ZNF644: variants seen among roughly 807,000 people sequenced by gnomAD.
The protein encoded by ZNF644 is zinc finger motif enhancer binding protein 2.
ZNF644 carries 20 observed loss-of-function variants against 108.0 expected under a neutral mutation model. That is an observed-to-expected ratio of 0.19 (90% CI 0.13 to 0.27). The LOEUF (loss-of-function observed/expected upper bound fraction) is 0.27, where lower values mean the gene tolerates loss of function less well. ZNF644 is among the 10% of genes least tolerant of loss of function. The probability of loss-of-function intolerance (pLI) is 1.00; values close to 1 mark genes in which losing one functional copy is unlikely to be tolerated. For synonymous variants in ZNF644, 542 were observed against 539.1 expected, an observed-to-expected ratio of 1.01 and a Z score of -0.08; for missense variants, 1,338 against 1,548.9, an observed-to-expected ratio of 0.86 and a Z score of 2.29.
intron 4 of ZNF644, among the ~76,000 whole-genome samples, chr1:90,924,436 TCA>T (rs1649794000): frequency 6.6e-6 from 1 of 152,136 alleles, no homozygotes; most frequent in South Asian, 2.1e-4. Flanking sequence ...AACAAAATAA[TCA>T]CAGTCCCTGC....
At chr1:90,994,639 CAG>C (rs1314539020) in intron 1 of ZNF644, among the ~76,000 whole-genome samples, 1 of 152,192 alleles carries the variant, frequency 6.6e-6, no homozygotes, top group African/African-American at 2.4e-5. Flanking sequence ...TGCCTTTCAA[CAG>C]AGTGCATTCC....
In ZNF644 at chr1:90,939,517, A is replaced by T. The variant is rs1651724524; in HGVS notation, c.1837T>A (p.Cys613Ser). The change falls in exon 3 of 6, where the codon TGT becomes AGT. Residue 613 changes from cysteine (C) to serine (S), a missense_variant. This residue lies in a region of ZNF644 where 462 missense variants were observed against 472.6 expected (regional missense o/e 0.98). Coordinates refer to ENST00000337393, the MANE Select transcript of ZNF644 (RefSeq NM_201269.3). ...AGAGGACTACCAAATGAATCAACAC[A>T]TGATGATGAATGCAAGTACTCCGTG... Reference protein sequence around the residue: ...KHTEYLHSSSCVDSFGSPLGL... With the variant: ...KHTEYLHSSSSVDSFGSPLGL... The T allele has an allele frequency of 6.2e-7, 1 of 1,613,828 alleles. No homozygotes were observed. The highest frequency in any genetic ancestry group is 1.7e-5 in the Admixed American group (1 of 59,996).
At chr1:91,018,963 C>A (rs1660654875) in intron 1 of ZNF644, among the ~76,000 whole-genome samples, 1 of 152,104 alleles carries the variant, frequency 6.6e-6, no homozygotes. Context: ...CTAATTTTCA[C>A]AAAATGAAAG....
intron 4 of ZNF644, among the ~76,000 whole-genome samples, chr1:90,927,183 T>C (rs1033370804): frequency 1.3e-5 from 2 of 152,006 alleles, no homozygotes; most frequent in Non-Finnish European, 2.9e-5. Flanking sequence ...GTCTTCCTCT[T>C]TCTCTGAAAT....
chr1:91,005,425 G>C (rs1438673843), intron 1 of ZNF644, among the ~76,000 whole-genome samples: 1 of 152,142 alleles, frequency 6.6e-6, no homozygotes, highest in Non-Finnish European at 1.5e-5. Context: ...AGTATAGATA[G>C]AAGATCAAGG....
At chr1:90,936,055 C>T (rs1387347057) in intron 4 of ZNF644, among the ~76,000 whole-genome samples, 1 of 152,148 alleles carries the variant, frequency 6.6e-6, no homozygotes, top group Non-Finnish European at 1.5e-5. Flanking sequence ...TTAGACACAA[C>T]ATTTTATTTA....
At chr1:90,951,806 T>C (rs1212560503) in intron 2 of ZNF644, among the ~76,000 whole-genome samples, 1 of 152,208 alleles carries the variant, frequency 6.6e-6, no homozygotes, top group Non-Finnish European at 1.5e-5. Flanking sequence ...TCTATGTACC[T>C]TGCTAACTGA....
At chr1:90,924,191 T>C (rs1649769928) in intron 4 of ZNF644, among the ~76,000 whole-genome samples, 1 of 152,204 alleles carries the variant, frequency 6.6e-6, no homozygotes, top group Non-Finnish European at 1.5e-5. Context: ...ACAAGTGGCT[T>C]ACTGGTCAGC....
chr1:90,977,095 G>A (rs1244577472), intron 2 of ZNF644, among the ~76,000 whole-genome samples: 2 of 151,556 alleles, frequency 1.3e-5, no homozygotes, highest in Non-Finnish European at 2.9e-5. Context: ...ACTAACAACT[G>A]TAGCTTATCA....
rs542717460 is a variant in ZNF644, at chr1:90,981,269, A to G, written c.44+1041T>C. ...AAAGCAAAAAATAAAATTTTTCTAC[A>G]CAACAAGAGGAGGTACTATAACGAT... On this transcript the variant is annotated intron_variant, in intron 2 of 5. Coordinates refer to ENST00000337393, the MANE Select transcript of ZNF644 (RefSeq NM_201269.3). Among the ~76,000 whole-genome samples the G allele has an allele frequency of 4.0e-5, 6 of 151,896 alleles. No individual in the cohort carries two copies. The South Asian group carries it at 1.2e-3, about 31-fold the overall frequency.
At chr1:90,932,040 G>C (rs1650787703) in intron 4 of ZNF644, among the ~76,000 whole-genome samples, 1 of 152,130 alleles carries the variant, frequency 6.6e-6, no homozygotes, top group Non-Finnish European at 1.5e-5. Flanking sequence ...AGATGTCGGT[G>C]ACCCCAGTAA....
intron 4 of ZNF644, among the ~76,000 whole-genome samples, chr1:90,934,067 A>G (rs1344523737): frequency 2.0e-5 from 3 of 152,182 alleles, no homozygotes; most frequent in African/African-American, 7.2e-5. Flanking sequence ...ATAGTCTCTT[A>G]TTTTTATTGT....
chr1:90,959,458 A>G (rs1406909028), intron 2 of ZNF644, among the ~76,000 whole-genome samples: 1 of 152,228 alleles, frequency 6.6e-6, no homozygotes, highest in Non-Finnish European at 1.5e-5. Context: ...ATATGTTTAT[A>G]GCACTGTATT....
chr1:90,939,375 T>A lies in ZNF644; in HGVS notation c.1979A>T (p.Asp660Val), dbSNP rs769370400. The change falls in exon 3 of 6, where the codon GAT becomes GTT. Residue 660 changes from aspartate (D) to valine (V), a missense_variant. Asp to Val is a radical substitution (Grantham distance 152). Around this residue, in one of 6 missense-constraint regions of ZNF644, gnomAD observed 462 missense variants for 472.6 expected, o/e 0.98. Transcript: ENST00000337393. The part of the protein sequence containing the change: ...TFPKNSALKQ[D>V]VKRTFGSTSQ... ...GGTTGATCCAAATGTTCGCTTCACA[T>A]CTTGTTTTAAAGCAGAGTTCTTTGG... is the stretch of plus-strand genomic sequence containing the variant. 2.5e-6 allele frequency: 4 copies of A among 1,614,072 alleles called. No homozygotes were observed. The highest frequency in any genetic ancestry group is 3.4e-6 in the Non-Finnish European group (4 of 1,179,960).
In ZNF644 at chr1:90,916,547, GCT is replaced by G. The variant is rs1177548259; in HGVS notation, c.*249_*250del. ...TTATTAATGGCTGCTTACATGTACT[GCT>G]CTTTTACTGAGTGAACACAGTTAAC... On this transcript the variant is annotated 3_prime_UTR_variant, in exon 6 of 6. Coordinates refer to ENST00000337393, the MANE Select transcript of ZNF644 (RefSeq NM_201269.3). 9 of 498,770 alleles carry G rather than the reference GCT, an allele frequency of 1.8e-5. No homozygotes were observed. The East Asian group carries it at 3.4e-4, about 19-fold the overall frequency. 30.9% of individuals were successfully genotyped at this position (498,770 alleles called of 1,614,324 possible).
chr1:90,922,156 T>C (rs1006650050), intron 4 of ZNF644, among the ~76,000 whole-genome samples: 1 of 152,192 alleles, frequency 6.6e-6, no homozygotes, highest in Non-Finnish European at 1.5e-5. Flanking sequence ...CATCTGGAAC[T>C]TCTTTGATAA....
chr1:91,003,546 G>C (rs563641626), intron 1 of ZNF644, among the ~76,000 whole-genome samples: 1 of 152,160 alleles, frequency 6.6e-6, no homozygotes, highest in East Asian at 1.9e-4. Flanking sequence ...TGGGGGCCTG[G>C]GGGAGGGATA....
At chr1:90,941,598 T>A (rs1255708145) in intron 2 of ZNF644, among the ~76,000 whole-genome samples, 1 of 152,088 alleles carries the variant, frequency 6.6e-6, no homozygotes, top group African/African-American at 2.4e-5. Flanking sequence ...AAAAGCAGCA[T>A]ACACACAGAT....
In ZNF644 at chr1:90,999,972, T is replaced by C. The variant is rs565871973; in HGVS notation, c.-17-17602A>G. On this transcript the variant is annotated intron_variant, in intron 1 of 5. Coordinates refer to ENST00000337393, the MANE Select transcript of ZNF644 (RefSeq NM_201269.3). ...TTACATAATGGTAAAGGGATCAATT[T>C]AACAAGAAGAGCTAACTATCCTAAA... Among the ~76,000 whole-genome samples, 7 of 152,180 alleles carry C rather than the reference T, an allele frequency of 4.6e-5. No homozygotes were observed. The South Asian group carries it at 8.3e-4, about 18-fold the overall frequency.
Sources: allele counts gnomAD v4.1 joint callset (sites outside exome capture counted in the v4.1 genomes callset), GRCh38; gene constraint gnomAD v4.1.1; regional missense constraint gnomAD v4.1.1; transcripts MANE v1.5; gene names NCBI Gene and HGNC (gene_info 2026-07-23, HGNC 2026-07-21).